Variants in GMPS observed in about 807,000 individuals in gnomAD.
The protein encoded by GMPS is guanosine monophosphate synthase.
Under a neutral mutation model 77.9 loss-of-function variants are expected in GMPS, and 15 were observed. That is an observed-to-expected ratio of 0.19 (90% CI 0.13 to 0.30). GMPS has a LOEUF of 0.30. GMPS is among the 10% of genes least tolerant of loss of function. The pLI is 1.00. For missense variants in GMPS, 590 were observed against 838.8 expected (o/e 0.70, Z 3.66); for synonymous variants, 224 against 275.9 (o/e 0.81, Z 1.86).
chr3:155,939,642 CT>C lies in GMPS; in HGVS notation c.*1954del. 1.0e-5 allele frequency: 2 copies of C among 193,386 alleles called. No individual in the cohort carries two copies. The highest frequency in any genetic ancestry group is 6.1e-5 in the Admixed American group (1 of 16,382). The allele number at this position is 193,386 out of a possible 1,614,324, so 12.0% of individuals were successfully genotyped here. A position where few individuals can be genotyped will look rare whatever the true frequency, so the allele number is the denominator to read the frequency against. On this transcript the variant is annotated 3_prime_UTR_variant, in exon 16 of 16. Transcript: ENST00000496455. ...TTCCTGATATTTGTTTTTTGAACAC[CT>C]TTTATATAATCCCTTCTAATATATA...
At chr3:155,925,158 A>G in intron 11 of GMPS, 83 bp from the exon 12 acceptor site, 1 of 1,255,460 alleles carries the variant, frequency 8.0e-7, no homozygotes, top group African/African-American at 1.5e-5. Context: ...AAACCAGTAA[A>G]ATACATAAGA....
At chr3:155,884,930 G>A (rs1754301740) in intron 1 of GMPS, among the ~76,000 whole-genome samples, 1 of 152,172 alleles carries the variant, frequency 6.6e-6, no homozygotes, top group Non-Finnish European at 1.5e-5. Context: ...CTTGAAAGGA[G>A]CTATTGGCCC....
rs890877938 is a variant in GMPS at position 155,911,133 on chromosome 3, T to C, written c.740T>C (p.Val247Ala). 6.2e-7 allele frequency: 1 copy of C among 1,609,372 alleles called. No homozygotes were observed. Among genetic ancestry groups the C allele is most frequent in the Non-Finnish European group, 8.5e-7 (1 of 1,178,192 alleles). The change falls in exon 7 of 16, where the codon GTA (valine) becomes GCA (alanine). Residue 247 changes from valine to alanine, a missense_variant. Around this residue, in one of 6 missense-constraint regions of GMPS, gnomAD observed 181 missense variants for 186.8 expected, o/e 0.97. Coordinates refer to ENST00000496455, the MANE Select transcript of GMPS (RefSeq NM_003875.3). ...SKVLVLLSGG[V>A]DSTVCTALLN... ...CCGTAGGTTTTACTCAGTGGTGGAG[T>C]AGACTCAACAGTTTGTACAGCTTTG...
At chr3:155,882,030 C>T (rs752236755) in intron 1 of GMPS, among the ~76,000 whole-genome samples, 10 of 151,686 alleles carry the variant, frequency 6.6e-5, no homozygotes, top group Non-Finnish European at 1.2e-4. Context: ...GTCGCACCAC[C>T]GCACTCCAAC....
At position 155,941,402 on chromosome 3, in the gene GMPS, CAAAAAAA is replaced by C. The variant is rs375351109; in HGVS notation, c.*3720_*3726del. 1 of 155,376 alleles carries C rather than the reference CAAAAAAA, an allele frequency of 6.4e-6. No homozygotes were observed. The highest frequency in any genetic ancestry group is 1.3e-5 in the Non-Finnish European group (1 of 75,898). 9.6% of individuals were successfully genotyped at this position (155,376 alleles called of 1,614,324 possible). A position where few individuals can be genotyped will look rare whatever the true frequency, so the allele number is the denominator to read the frequency against. On this transcript the variant is annotated 3_prime_UTR_variant, in exon 16 of 16. Coordinates refer to ENST00000496455, the MANE Select transcript of GMPS (RefSeq NM_003875.3). ...CTGGTGAAAGAGCGAGACTCAGTCT[CAAAAAAA>C]AAAAAAAAAGGAAGTTCTTAGTGTG...
intron 3 of GMPS, among the ~76,000 whole-genome samples, chr3:155,901,638 C>T (rs893501239): frequency 6.6e-6 from 1 of 151,862 alleles, no homozygotes; most frequent in African/African-American, 2.4e-5. Flanking sequence ...CCCTGCCAAC[C>T]CTTGACATGA....
chr3:155,919,210 G>T (rs932795528), intron 9 of GMPS, 23 bp from the exon 10 acceptor site: 1 of 1,064,440 alleles, frequency 9.4e-7, no homozygotes, highest in Non-Finnish European at 1.4e-6. Context: ...GTTTATATTG[G>T]TTGGCTTCTT....
chr3:155,887,657 A>G (rs1412922255), intron 1 of GMPS, among the ~76,000 whole-genome samples: 2 of 152,224 alleles, frequency 1.3e-5, no homozygotes, highest in Non-Finnish European at 2.9e-5. Context: ...GGGGAAACTT[A>G]TATGTAGATA....
chr3:155,871,685 C>T (rs1287424231), intron 1 of GMPS, among the ~76,000 whole-genome samples: 1 of 152,254 alleles, frequency 6.6e-6, no homozygotes, highest in Non-Finnish European at 1.5e-5. Context: ...AACCCGCTTC[C>T]CCGCCTTTGG....
chr3:155,930,357 A>G (rs1249839637), intron 12 of GMPS, among the ~76,000 whole-genome samples: 1 of 145,108 alleles, frequency 6.9e-6, no homozygotes, highest in Admixed American at 7.0e-5. Flanking sequence ...ACAAAAATCA[A>G]TTCAAGATGG....
In GMPS at chr3:155,890,775, A is replaced by G. The variant is rs748430738; in HGVS notation, c.28-2743A>G. Reference sequence around the variant, plus strand: ...TGATGTTGGTAAGTTCTGTGGCTGTATATCTAGAGGCTCTCAAACCCTGTC... The same window carrying G: ...TGATGTTGGTAAGTTCTGTGGCTGTGTATCTAGAGGCTCTCAAACCCTGTC... On this transcript the variant is annotated intron_variant, in intron 1 of 15. Transcript: ENST00000496455. 7.6e-4 allele frequency among the ~76,000 whole-genome samples: 115 copies of G among 152,280 alleles called. 1 individual carries two copies. The highest frequency in any genetic ancestry group is 5.3e-3 in the Admixed American group (81 of 15,296).
intron 2 of GMPS, among the ~76,000 whole-genome samples, chr3:155,896,539 T>C (rs138493681): frequency 7.9e-4 from 120 of 152,192 alleles, no homozygotes; most frequent in African/African-American, 2.6e-3. Flanking sequence ...TAAAAAATGA[T>C]CTAGCTTGCT....
intron 7 of GMPS, among the ~76,000 whole-genome samples, chr3:155,912,512 G>A (rs759679905): frequency 6.6e-6 from 1 of 152,214 alleles, no homozygotes; most frequent in Non-Finnish European, 1.5e-5. Flanking sequence ...GTTAGGTGGT[G>A]CTGGAATAGC....
chr3:155,913,420 T>G (rs1755089608), intron 7 of GMPS, among the ~76,000 whole-genome samples: 1 of 152,184 alleles, frequency 6.6e-6, no homozygotes, highest in South Asian at 2.1e-4. Flanking sequence ...TTGACTCCGT[T>G]TAGGAGCCGG....
chr3:155,931,336 C>T (rs1160611456), intron 12 of GMPS, among the ~76,000 whole-genome samples: 1 of 151,898 alleles, frequency 6.6e-6, no homozygotes, highest in Admixed American at 6.6e-5. Context: ...CAGGTTCATG[C>T]CACCATGCCT....
At chr3:155,889,667 A>T (rs1242624449) in intron 1 of GMPS, among the ~76,000 whole-genome samples, 2 of 152,350 alleles carry the variant, frequency 1.3e-5, no homozygotes, top group African/African-American at 4.8e-5. Context: ...CAAGAAAATC[A>T]CAAAACATTT....
chr3:155,890,457 C>T (rs2108068886), intron 1 of GMPS, among the ~76,000 whole-genome samples: 1 of 152,038 alleles, frequency 6.6e-6, no homozygotes, highest in South Asian at 2.1e-4. Flanking sequence ...TTGTCAATTA[C>T]AAAAGTGTAG....
chr3:155,931,965 G>C, intron 13 of GMPS, 85 bp downstream of exon 13: 1 of 677,970 alleles, frequency 1.5e-6, no homozygotes, highest in Non-Finnish European at 2.7e-6. Context: ...AAGACCAAAA[G>C]GCTCAAATGT....
At chr3:155,923,556 C>G (rs74461500) in intron 11 of GMPS, among the ~76,000 whole-genome samples, 4,236 of 152,170 alleles carry the variant, frequency 0.028, 217 homozygotes, top group African/African-American at 0.096. Flanking sequence ...ATTACCTACC[C>G]AGGAAATTAT....
Sources: gnomAD v4.1 joint callset for allele counts (sites outside exome capture counted in the v4.1 genomes callset) on GRCh38, gnomAD v4.1.1 for gene constraint, gnomAD v4.1.1 regional missense constraint, MANE v1.5 for transcripts, NCBI Gene and HGNC (gene_info 2026-07-23, HGNC 2026-07-21) for gene names.